Variants in PPP2R2B observed in about 807,000 individuals in gnomAD.
PPP2R2B encodes the protein protein phosphatase 2 regulatory subunit Bbeta, also known as serine/threonine-protein phosphatase 2A 55 kDa regulatory subunit B beta isoform.
In PPP2R2B, 5 loss-of-function variants were observed where a neutral mutation model predicts 46.0. The observed-to-expected ratio is 0.11, with a 90% CI of 0.06 to 0.23. The LOEUF is 0.23. Among genes scored for constraint, PPP2R2B ranks in the 10% least tolerant of loss-of-function variants. PPP2R2B has a pLI of 1.00. For missense variants in PPP2R2B, 367 were observed against 575.0 expected (o/e 0.64, Z 3.70); for synonymous variants, 215 against 206.7 (o/e 1.04, Z -0.34).
At chr5:146,643,246 T>C (rs972847398) in intron 6 of PPP2R2B, among the ~76,000 whole-genome samples, 22 of 152,128 alleles carry the variant, frequency 1.4e-4, no homozygotes, top group Non-Finnish European at 2.1e-4. Flanking sequence ...TCTTTCTTTG[T>C]GTATTCTATA....
chr5:146,858,137 C>T (rs755951541), intron 2 of PPP2R2B, among the ~76,000 whole-genome samples: 6 of 152,174 alleles, frequency 3.9e-5, no homozygotes, highest in Non-Finnish European at 7.3e-5. Flanking sequence ...CTTTATTTTA[C>T]AGATGAGGCA....
rs147584614 is a variant in PPP2R2B at position 146,936,616 on chromosome 5, T to A, written c.79+119049A>T. Among the ~76,000 whole-genome samples, 290 of 151,778 alleles carry A rather than the reference T, an allele frequency of 1.9e-3. 1 individual carries two copies. Among genetic ancestry groups the A allele is most frequent in the African/African-American group, 6.6e-3 (272 of 41,436 alleles). ...GGCTCAAACAAACAGAACCTCTCTG[T>A]ACAGAGAGATAGTAAGAGGACATGC... On this transcript the variant is annotated intron_variant, in intron 1 of 8. Coordinates refer to the PPP2R2B transcript ENST00000336640.
chr5:146,675,431 G>A (rs1581846922), intron 5 of PPP2R2B, among the ~76,000 whole-genome samples: 1 of 152,216 alleles, frequency 6.6e-6, no homozygotes, highest in East Asian at 1.9e-4. Context: ...CTGGACTGTG[G>A]GATAGCAGGT....
intron 1 of PPP2R2B, among the ~76,000 whole-genome samples, chr5:146,996,806 G>A (rs2151866159): frequency 1.3e-5 from 2 of 152,122 alleles, no homozygotes; most frequent in Admixed American, 1.3e-4. Flanking sequence ...AGGAACTCAG[G>A]AGGGATCAAT....
At chr5:147,019,858 C>T (rs772809681) in intron 1 of PPP2R2B, among the ~76,000 whole-genome samples, 26 of 152,158 alleles carry the variant, frequency 1.7e-4, no homozygotes, top group Non-Finnish European at 2.5e-4. Context: ...TCTGATTCTT[C>T]TGTATGAGAG....
intron 2 of PPP2R2B, among the ~76,000 whole-genome samples, chr5:146,864,459 A>G (rs1034854963): frequency 1.8e-4 from 27 of 150,556 alleles, no homozygotes; most frequent in African/African-American, 6.1e-4. Context: ...GTACCCCATG[A>G]GAGACTAGCT....
intron 1 of PPP2R2B, among the ~76,000 whole-genome samples, chr5:146,948,134 C>T (rs1044634099): frequency 6.6e-6 from 1 of 151,960 alleles, no homozygotes; most frequent in African/African-American, 2.4e-5. Context: ...TATGCAAATA[C>T]TTTTTGAGAC....
intron 7 of PPP2R2B, among the ~76,000 whole-genome samples, chr5:146,604,725 A>G (rs186753587): frequency 6.6e-6 from 1 of 152,164 alleles, no homozygotes; most frequent in Non-Finnish European, 1.5e-5. Flanking sequence ...CACTCTTCTC[A>G]TTTGTAGATA....
intron 1 of PPP2R2B, among the ~76,000 whole-genome samples, chr5:146,979,959 T>C (rs1753091401): frequency 1.3e-5 from 2 of 152,204 alleles, no homozygotes; most frequent in Admixed American, 1.3e-4. Context: ...CGTGTGTGTA[T>C]ATATACAAAC....
intron 6 of PPP2R2B, among the ~76,000 whole-genome samples, chr5:146,639,062 TG>T (rs966101244): frequency 7.2e-5 from 11 of 152,156 alleles, no homozygotes; most frequent in African/African-American, 2.4e-4. Context: ...TTTTCAGGGG[TG>T]GAAACGGATG....
intron 2 of PPP2R2B, among the ~76,000 whole-genome samples, chr5:146,728,929 A>C (rs1215973584): frequency 6.6e-6 from 1 of 152,216 alleles, no homozygotes; most frequent in Non-Finnish European, 1.5e-5. Context: ...AGACTAATAC[A>C]GCAAATTGGT....
At chr5:146,655,871 T>G in intron 5 of PPP2R2B, among the ~76,000 whole-genome samples, 2 of 118,944 alleles carry the variant, frequency 1.7e-5, no homozygotes, top group Non-Finnish European at 3.3e-5. Context: ...AGGCAGGGCT[T>G]GAAGGGTGGG....
chr5:146,776,915 A>C (rs942204724), intron 2 of PPP2R2B, among the ~76,000 whole-genome samples: 1 of 152,128 alleles, frequency 6.6e-6, no homozygotes, highest in African/African-American at 2.4e-5. Context: ...ATTATTAATT[A>C]TTAGGAAAAT....
chr5:146,730,658 G>A (rs1752171341), intron 2 of PPP2R2B, among the ~76,000 whole-genome samples: 1 of 152,118 alleles, frequency 6.6e-6, no homozygotes, highest in Non-Finnish European at 1.5e-5. Context: ...TTTATCAGGG[G>A]TTTTCACTTT....
chr5:146,689,638 C>T (rs931494822), intron 5 of PPP2R2B, among the ~76,000 whole-genome samples: 4 of 152,038 alleles, frequency 2.6e-5, no homozygotes, highest in African/African-American at 9.7e-5. Flanking sequence ...TGTCATATGC[C>T]CAAGGTCACT....
chr5:146,850,907 C>T (rs970176307), intron 2 of PPP2R2B, among the ~76,000 whole-genome samples: 2 of 152,096 alleles, frequency 1.3e-5, no homozygotes, highest in Non-Finnish European at 2.9e-5. Flanking sequence ...TCTATCCATA[C>T]TGCTGTAAAG....
intron 1 of PPP2R2B, among the ~76,000 whole-genome samples, chr5:147,046,475 G>A (rs900923073): frequency 1.3e-5 from 2 of 152,116 alleles, no homozygotes; most frequent in Admixed American, 1.3e-4. Flanking sequence ...GAAAACTAAT[G>A]AGCCAGTCCC....
chr5:147,050,514 C>T (rs574547697), intron 1 of PPP2R2B, among the ~76,000 whole-genome samples: 37 of 152,232 alleles, frequency 2.4e-4, no homozygotes, highest in African/African-American at 8.9e-4. Context: ...TGAACCCATT[C>T]TTAGCATGTA....
intron 7 of PPP2R2B, among the ~76,000 whole-genome samples, chr5:146,634,595 A>G (rs554771966): frequency 5.0e-4 from 76 of 152,130 alleles, no homozygotes; most frequent in African/African-American, 1.8e-3. Flanking sequence ...TCAGCCTCCT[A>G]AAGTGCTGGG....
Sources: gnomAD v4.1 joint callset for allele counts (sites outside exome capture counted in the v4.1 genomes callset) on GRCh38, gnomAD v4.1.1 for gene constraint, MANE v1.5 for transcripts, NCBI Gene and HGNC (gene_info 2026-07-23, HGNC 2026-07-21) for gene names.